Variants in GNAZ observed in about 807,000 individuals in gnomAD.
GNAZ encodes guanine nucleotide-binding protein G(z) subunit alpha.
A neutral mutation model predicts 25.4 loss-of-function variants in GNAZ; 3 were observed. The observed-to-expected ratio is 0.12, with a 90% confidence interval of 0.05 to 0.30. GNAZ has a LOEUF of 0.30. Among genes scored for constraint, GNAZ ranks in the 10% least tolerant of loss-of-function variants. The probability of loss-of-function intolerance (pLI) is 1.00; values close to 1 mark genes in which losing one functional copy is unlikely to be tolerated. For synonymous variants in GNAZ, 211 were observed against 205.7 expected, an observed-to-expected ratio of 1.03 and a Z score of -0.22; for missense variants, 241 against 501.8, an observed-to-expected ratio of 0.48 and a Z score of 4.97.
chr22:23,070,966 C>T lies in GNAZ; in HGVS notation c.-450+396C>T, dbSNP rs567573867. 1.1e-4 allele frequency among the ~76,000 whole-genome samples: 17 copies of T among 152,186 alleles called. 1 individual carries two copies. The highest frequency in any genetic ancestry group is 9.1e-4 in the Admixed American group (14 of 15,306). Reference sequence around the variant, plus strand: ...CTGCGGGAGCGGCGCTGAGGCGGGTCTCCCTAGGGGGAGGATCAGGGAGGG... The same window carrying T: ...CTGCGGGAGCGGCGCTGAGGCGGGTTTCCCTAGGGGGAGGATCAGGGAGGG... On this transcript the variant is annotated intron_variant, in intron 1 of 2. Coordinates refer to ENST00000615612, the MANE Select transcript of GNAZ (RefSeq NM_002073.4).
chr22:23,110,405 C>T (rs2069611643), intron 2 of GNAZ, among the ~76,000 whole-genome samples: 2 of 152,226 alleles, frequency 1.3e-5, no homozygotes, highest in African/African-American at 4.8e-5. Flanking sequence ...CTGGGGCCCT[C>T]CCACCAGGAG....
chr22:23,090,607 T>C (rs527738795), intron 1 of GNAZ, among the ~76,000 whole-genome samples: 2 of 152,274 alleles, frequency 1.3e-5, no homozygotes, highest in South Asian at 4.1e-4. Context: ...TGGTCAGGCA[T>C]GCTCCCACTT....
chr22:23,097,226 C>CT (rs2069150867), intron 2 of GNAZ, among the ~76,000 whole-genome samples: 1 of 152,116 alleles, frequency 6.6e-6, no homozygotes, highest in African/African-American at 2.4e-5. Flanking sequence ...TACCCTGGGG[C>CT]TAGGGGAGGG....
chr22:23,113,025 T>A (rs1455272773), intron 2 of GNAZ, among the ~76,000 whole-genome samples: 1 of 152,182 alleles, frequency 6.6e-6, no homozygotes, highest in Non-Finnish European at 1.5e-5. Context: ...GGGGACCTGC[T>A]CTGAGCATAG....
intron 2 of GNAZ, among the ~76,000 whole-genome samples, chr22:23,119,688 G>A (rs1474252788): frequency 1.3e-5 from 2 of 152,218 alleles, no homozygotes; most frequent in Admixed American, 6.5e-5. Context: ...CGTCAGGGAC[G>A]CTGGGATGGA....
chr22:23,117,083 G>C (rs149323071), intron 2 of GNAZ, among the ~76,000 whole-genome samples: 135 of 152,306 alleles, frequency 8.9e-4, no homozygotes, highest in African/African-American at 3.1e-3. Flanking sequence ...GTCCCATCCA[G>C]CTGGGATGCA....
At chr22:23,105,335 T>C (rs1295698869) in intron 2 of GNAZ, among the ~76,000 whole-genome samples, 5 of 152,354 alleles carry the variant, frequency 3.3e-5, no homozygotes, top group East Asian at 1.9e-4. Flanking sequence ...AACCCAAATA[T>C]GTTTTTTTAA....
At chr22:23,098,334 G>A (rs976222891) in intron 2 of GNAZ, among the ~76,000 whole-genome samples, 5 of 152,224 alleles carry the variant, frequency 3.3e-5, no homozygotes, top group African/African-American at 7.2e-5. Context: ...GACCTAGCCC[G>A]GCACCTGCTT....
At chr22:23,116,622 C>G (rs1399337544) in intron 2 of GNAZ, among the ~76,000 whole-genome samples, 2 of 152,206 alleles carry the variant, frequency 1.3e-5, no homozygotes, top group Non-Finnish European at 2.9e-5. Context: ...CTGTGATACT[C>G]AGCACTGTGG....
intron 1 of GNAZ, among the ~76,000 whole-genome samples, chr22:23,086,525 A>C (rs1255719248): frequency 6.6e-6 from 1 of 152,104 alleles, no homozygotes; most frequent in African/African-American, 2.4e-5. Context: ...GGCCTCAGCC[A>C]CCCGAGCAGG....
chr22:23,077,237 C>A (rs999664013), intron 1 of GNAZ, among the ~76,000 whole-genome samples: 3 of 152,184 alleles, frequency 2.0e-5, no homozygotes, highest in Non-Finnish European at 4.4e-5. Flanking sequence ...GACACTGATG[C>A]TAACCCCTTA....
Position 23,096,418 on chromosome 22 carries a change from A to G in GNAZ, c.723A>G (p.Thr241=), listed in dbSNP as rs2146317915. The change falls in exon 2 of 3, where the codon ACA becomes ACG. Residue 241 remains threonine (T), a splice_region_variant and synonymous_variant. Transcript: ENST00000615612. ...YDLKLYEDNQ[T]SRMAESLRLF... ...TGAAACTCTACGAGGATAACCAGAC[A>G]GTAAGTGGGGCCGGGGGTTTTCCTC... The G allele has an allele frequency of 6.3e-7, 1 of 1,599,820 alleles. No individual in the cohort carries two copies. Among genetic ancestry groups the G allele is most frequent in the South Asian group, 1.1e-5 (1 of 90,324 alleles).
chr22:23,072,098 G>T (rs2068395125), intron 1 of GNAZ, among the ~76,000 whole-genome samples: 3 of 152,088 alleles, frequency 2.0e-5, no homozygotes, highest in South Asian at 2.1e-4. Context: ...ACTGGGGAAG[G>T]CTCCTTGCAG....
chr22:23,079,726 C>G (rs2068621273), intron 1 of GNAZ, among the ~76,000 whole-genome samples: 1 of 152,078 alleles, frequency 6.6e-6, no homozygotes, highest in Non-Finnish European at 1.5e-5. Context: ...CTGGGGCTGG[C>G]TAGCGGGAGT....
At chr22:23,098,795 G>A (rs750013954) in intron 2 of GNAZ, among the ~76,000 whole-genome samples, 4 of 152,368 alleles carry the variant, frequency 2.6e-5, no homozygotes. Flanking sequence ...CCGCAGGCTG[G>A]GCTGGCCCCG....
intron 1 of GNAZ, among the ~76,000 whole-genome samples, chr22:23,070,963 G>T (rs2068353125): frequency 6.6e-6 from 1 of 152,100 alleles, no homozygotes; most frequent in Non-Finnish European, 1.5e-5. Context: ...CGCTGAGGCG[G>T]GTCTCCCTAG....
rs751663346 is a variant in GNAZ at position 23,123,473 on chromosome 22, G to C, written c.*42G>C. ...CCCGCCTGCCTATGGTGAAACCCAC[G>C]GGGTGTCATGCCCCAACGCGTGCTA... On this transcript the variant is annotated 3_prime_UTR_variant, in exon 3 of 3. Coordinates refer to ENST00000615612, the MANE Select transcript of GNAZ (RefSeq NM_002073.4). The C allele has an allele frequency of 4.4e-6, 6 of 1,353,186 alleles. No homozygotes were observed. Among genetic ancestry groups the C allele is most frequent in the Non-Finnish European group, 6.2e-6 (6 of 960,454 alleles). 83.8% of individuals were successfully genotyped at this position (1,353,186 alleles called of 1,614,324 possible).
intron 2 of GNAZ, among the ~76,000 whole-genome samples, chr22:23,102,555 A>G (rs1217899985): frequency 6.6e-6 from 1 of 152,164 alleles, no homozygotes; most frequent in Non-Finnish European, 1.5e-5. Context: ...GGTCAGCCAC[A>G]AGGCAAGAGG....
intron 2 of GNAZ, among the ~76,000 whole-genome samples, chr22:23,101,600 C>A (rs2069304583): frequency 6.6e-6 from 1 of 152,230 alleles, no homozygotes; most frequent in Non-Finnish European, 1.5e-5. Flanking sequence ...TAGCTCCAAG[C>A]CAGAAGGCCT....
Sources: allele counts gnomAD v4.1 joint callset (sites outside exome capture counted in the v4.1 genomes callset), GRCh38; gene constraint gnomAD v4.1.1; transcripts MANE v1.5; gene names NCBI Gene and HGNC (gene_info 2026-07-23, HGNC 2026-07-21).